The following SOBP variants were observed in gnomAD, a reference collection of about 807,000 sequenced individuals.
SOBP encodes the protein sine oculis-binding protein homolog.
SOBP carries 4 observed loss-of-function variants against 53.6 expected under a neutral mutation model. The observed-to-expected ratio is 0.07, with a 90% confidence interval of 0.04 to 0.17. The LOEUF (loss-of-function observed/expected upper bound fraction) is 0.17, where lower values mean the gene tolerates loss of function less well. Among genes scored for constraint, SOBP ranks in the 10% least tolerant of loss-of-function variants. The probability of loss-of-function intolerance (pLI) is 1.00; values close to 1 mark genes in which losing one functional copy is unlikely to be tolerated. For missense variants in SOBP, 1,088 were observed against 1,204.7 expected (o/e 0.90, Z 1.43); for synonymous variants, 584 against 522.6 (o/e 1.12, Z -1.60).
chr6:107,610,792 A>G (rs1156881387), intron 5 of SOBP, among the ~76,000 whole-genome samples: 1 of 119,376 alleles, frequency 8.4e-6, no homozygotes, highest in Admixed American at 8.6e-5. Context: ...ACGTGTGTGC[A>G]CACGCACACA....
At chr6:107,590,870 G>A (rs1489982053) in intron 5 of SOBP, among the ~76,000 whole-genome samples, 2 of 152,130 alleles carry the variant, frequency 1.3e-5, no homozygotes, top group East Asian at 1.9e-4. Context: ...AATACCCCGT[G>A]CTAATCCAGG....
At chr6:107,532,253 A>T (rs1783847815) in intron 3 of SOBP, among the ~76,000 whole-genome samples, 1 of 150,438 alleles carries the variant, frequency 6.6e-6, no homozygotes, top group Non-Finnish European at 1.5e-5. Context: ...ACACACACAC[A>T]CACACACACA....
chr6:107,582,712 A>C (rs151043864), intron 4 of SOBP, among the ~76,000 whole-genome samples: 122 of 152,340 alleles, frequency 8.0e-4, no homozygotes, highest in African/African-American at 2.8e-3. Context: ...AAAACTGTTG[A>C]AAATAACACA....
At chr6:107,558,720 G>T (rs985166124) in intron 4 of SOBP, among the ~76,000 whole-genome samples, 3 of 151,302 alleles carry the variant, frequency 2.0e-5, no homozygotes, top group African/African-American at 7.3e-5. Context: ...AATTAAAACT[G>T]CAGAATACCA....
intron 4 of SOBP, among the ~76,000 whole-genome samples, chr6:107,566,101 A>G (rs55857045): frequency 0.078 from 11,880 of 152,320 alleles, 520 homozygotes; most frequent in African/African-American, 0.12. Context: ...TTTTTTATCA[A>G]AAATAAAATC....
intron 4 of SOBP, among the ~76,000 whole-genome samples, chr6:107,555,891 T>C (rs1030117490): frequency 1.3e-5 from 2 of 152,222 alleles, no homozygotes; most frequent in African/African-American, 4.8e-5. Flanking sequence ...TCAAGAACTC[T>C]CTTGGGTTGT....
At chr6:107,611,434 A>G (rs1194211106) in intron 5 of SOBP, among the ~76,000 whole-genome samples, 1 of 152,238 alleles carries the variant, frequency 6.6e-6, no homozygotes, top group Admixed American at 6.5e-5. Context: ...GCAAACCATG[A>G]TAGATGCCAC....
At chr6:107,606,361 G>A (rs570684126) in intron 5 of SOBP, among the ~76,000 whole-genome samples, 1 of 152,270 alleles carries the variant, frequency 6.6e-6, no homozygotes, top group South Asian at 2.1e-4. Context: ...ACAGGTGTGA[G>A]CCACTGCGCC....
At chr6:107,499,458 C>G (rs1335558044) in intron 1 of SOBP, among the ~76,000 whole-genome samples, 1 of 152,138 alleles carries the variant, frequency 6.6e-6, no homozygotes. Context: ...ACCTATTTTC[C>G]AAACCCAAAT....
chr6:107,577,135 C>T (rs1485608582), intron 4 of SOBP, among the ~76,000 whole-genome samples: 1 of 152,144 alleles, frequency 6.6e-6, no homozygotes, highest in East Asian at 1.9e-4. Context: ...TGTCTGTCTC[C>T]CCTTTGCCAA....
chr6:107,649,163 CAAAAAAAAAAAAAA>C (rs61034738), intron 6 of SOBP, among the ~76,000 whole-genome samples: 17 of 40,418 alleles, frequency 4.2e-4, no homozygotes, highest in Non-Finnish European at 6.3e-4. Flanking sequence ...CCCCCACTAC[CAAAAAAAAAAAAAA>C]AAAAAAAAAA....
Position 107,591,968 on chromosome 6 carries a change from GTTTTTT to G in SOBP, c.669+4812_669+4817del, listed in dbSNP as rs56210027. ...TGAGGGACAGATTTGGTCTTTTGGT[GTTTTTT>G]TTTTTTTTTTTTTTTTTTGTAAAAT... is the stretch of plus-strand genomic sequence containing the variant. On this transcript the variant is annotated intron_variant, in intron 5 of 6. Transcript: ENST00000317357. Among the ~76,000 whole-genome samples, 813 of 88,664 alleles carry G rather than the reference GTTTTTT, an allele frequency of 9.2e-3. 4 individuals carry two copies. Among genetic ancestry groups the G allele is most frequent in the African/African-American group, 0.034 (776 of 22,994 alleles). The allele number at this position is 88,664 out of a possible 152,430, so 58.2% of individuals were successfully genotyped here. A position where few individuals can be genotyped will look rare whatever the true frequency, so the allele number is the denominator to read the frequency against.
At chr6:107,637,684 G>A (rs1771110077) in intron 6 of SOBP, among the ~76,000 whole-genome samples, 1 of 152,356 alleles carries the variant, frequency 6.6e-6, no homozygotes, top group South Asian at 2.1e-4. Flanking sequence ...AGGCTGAAAA[G>A]AAGAAGAATG....
At chr6:107,498,772 T>C (rs927720301) in intron 1 of SOBP, among the ~76,000 whole-genome samples, 6 of 152,196 alleles carry the variant, frequency 3.9e-5, no homozygotes, top group African/African-American at 1.4e-4. Context: ...CTGTGACCTT[T>C]TTTTGTTTTT....
At chr6:107,562,839 A>G (rs1294747702) in intron 4 of SOBP, among the ~76,000 whole-genome samples, 1 of 152,230 alleles carries the variant, frequency 6.6e-6, no homozygotes, top group Non-Finnish European at 1.5e-5. Context: ...ATGAAATGGC[A>G]TGATGTCTCA....
intron 6 of SOBP, among the ~76,000 whole-genome samples, chr6:107,639,272 C>T (rs546631067): frequency 2.6e-5 from 4 of 152,234 alleles, no homozygotes; most frequent in Admixed American, 2.0e-4. Context: ...AATTAGCAAC[C>T]GAGGCAGCTA....
chr6:107,500,885 C>G (rs999548851), intron 1 of SOBP, among the ~76,000 whole-genome samples: 1 of 152,104 alleles, frequency 6.6e-6, no homozygotes, highest in African/African-American at 2.4e-5. Context: ...ATAGTGTATA[C>G]AACAGAAGTA....
Position 107,550,569 on chromosome 6 carries a change from G to C in SOBP, c.573+16959G>C, listed in dbSNP as rs577306203. Among the ~76,000 whole-genome samples, 13 of 152,306 alleles carry C rather than the reference G, an allele frequency of 8.5e-5. No homozygotes were observed. In the South Asian group the frequency reaches 1.5e-3, roughly 17 times the overall value. Reference sequence around the variant, plus strand: ...TGGGGAGAGCAACCAGTAAACAAATGACATGATGTGAGGCATGCTGGAACT... The same window carrying C: ...TGGGGAGAGCAACCAGTAAACAAATCACATGATGTGAGGCATGCTGGAACT... On this transcript the variant is annotated intron_variant, in intron 4 of 6. Coordinates refer to ENST00000317357, the MANE Select transcript of SOBP (RefSeq NM_018013.4).
chr6:107,650,993 T>C (rs893993727), intron 6 of SOBP, among the ~76,000 whole-genome samples: 1 of 152,178 alleles, frequency 6.6e-6, no homozygotes, highest in African/African-American at 2.4e-5. Flanking sequence ...CTAGGCACAA[T>C]GGCTCAAACC....
Sources: gnomAD v4.1 joint callset for allele counts (sites outside exome capture counted in the v4.1 genomes callset) on GRCh38, gnomAD v4.1.1 for gene constraint, MANE v1.5 for transcripts, NCBI Gene and HGNC (gene_info 2026-07-23, HGNC 2026-07-21) for gene names.